Variants in PLA2G4A observed in about 807,000 individuals in gnomAD.
PLA2G4A encodes cytosolic phospholipase A2.
Under a neutral mutation model 81.9 loss-of-function variants are expected in PLA2G4A, and 40 were observed. The ratio of observed to expected loss-of-function variants is 0.49; its 90% CI spans 0.38 to 0.64. PLA2G4A has a LOEUF of 0.64. Ranked by LOEUF, PLA2G4A falls within the 30% of genes least tolerant of loss-of-function variation. PLA2G4A has a pLI of 0.00. For synonymous variants in PLA2G4A, 302 were observed against 296.9 expected (o/e 1.02, Z -0.18); for missense variants, 715 against 905.1 (o/e 0.79, Z 2.69).
In PLA2G4A at chr1:186,918,106, T is replaced by C. The variant is rs188656054; in HGVS notation, c.558+6717T>C. Among the ~76,000 whole-genome samples the C allele has an allele frequency of 2.0e-5, 3 of 152,274 alleles. No homozygotes were observed. In the East Asian group the frequency reaches 5.8e-4, roughly 29 times the overall value. On this transcript the variant is annotated intron_variant, in intron 7 of 17. Transcript: ENST00000367466. ...CCCCCTGTCTGGGTGGAAGAAGTCT[T>C]TTTCTTCCTTAGAATAGGTATGTAC... is the stretch of plus-strand genomic sequence containing the variant.
intron 7 of PLA2G4A, among the ~76,000 whole-genome samples, chr1:186,931,357 T>C (rs1031311324): frequency 3.3e-5 from 5 of 152,232 alleles, no homozygotes; most frequent in Admixed American, 3.3e-4. Context: ...CAAGTTTGCA[T>C]GTAGTTTGAT....
intron 1 of PLA2G4A, among the ~76,000 whole-genome samples, chr1:186,843,306 A>G (rs1652054143): frequency 6.6e-6 from 1 of 152,262 alleles, no homozygotes; most frequent in African/African-American, 2.4e-5. Context: ...GCTAAGATAT[A>G]TTCCAGTTTC....
Position 186,977,801 on chromosome 1 carries a change from T to A in PLA2G4A, c.1960+13T>A. 2 of 1,529,632 alleles carry A rather than the reference T, an allele frequency of 1.3e-6. No homozygotes were observed. Among genetic ancestry groups the A allele is most frequent in the Non-Finnish European group, 1.8e-6 (2 of 1,103,106 alleles). 94.8% of individuals were successfully genotyped at this position (1,529,632 alleles called of 1,614,324 possible). A position where few individuals can be genotyped will look rare whatever the true frequency, so the allele number is the denominator to read the frequency against. The stretch of plus-strand genomic sequence containing the variant: ...TACAGGGCTCCAGGTAAGTAGGGAG[T>A]AAGCTGTATTCCATAAAATAGAAAT... On this transcript the variant is annotated intron_variant, in intron 16 of 17. Coordinates refer to ENST00000367466, the MANE Select transcript of PLA2G4A (RefSeq NM_024420.3).
chr1:186,874,566 G>A lies in PLA2G4A; in HGVS notation c.115+4050G>A, dbSNP rs183401058. On this transcript the variant is annotated intron_variant, in intron 3 of 17. Transcript: ENST00000367466. ...TCCTAATTATGGATATATATACTGA[G>A]GATTCTTTCCTTGTCTGGCCCCTTT... Among the ~76,000 whole-genome samples the A allele has an allele frequency of 1.0e-3, 157 of 152,140 alleles. 2 individuals carry two copies. Among genetic ancestry groups the A allele is most frequent in the Admixed American group, 2.3e-3 (35 of 15,252 alleles).
chr1:186,923,099 G>C (rs1235376412), intron 7 of PLA2G4A, among the ~76,000 whole-genome samples: 1 of 152,110 alleles, frequency 6.6e-6, no homozygotes, highest in Non-Finnish European at 1.5e-5. Context: ...CAGAAATTGG[G>C]CATAAGACAA....
intron 15 of PLA2G4A, among the ~76,000 whole-genome samples, chr1:186,971,126 T>G (rs867522991): frequency 2.2e-4 from 33 of 152,092 alleles, no homozygotes; most frequent in African/African-American, 5.3e-4. Context: ...TGTAATAACA[T>G]AATCCCCCAT....
chr1:186,950,898 A>G (rs1304225926), intron 13 of PLA2G4A, among the ~76,000 whole-genome samples, 170 bp downstream of exon 13: 2 of 152,230 alleles, frequency 1.3e-5, no homozygotes, highest in Non-Finnish European at 2.9e-5. Flanking sequence ...GTCTAATAAA[A>G]TAGGCAGCAC....
chr1:186,843,236 G>T (rs888158344), intron 1 of PLA2G4A, among the ~76,000 whole-genome samples: 2 of 151,898 alleles, frequency 1.3e-5, no homozygotes, highest in African/African-American at 4.8e-5. Flanking sequence ...AAAGTATCTT[G>T]TACTTGGGAA....
chr1:186,988,234 G>A (rs1657952955), intron 17 of PLA2G4A, 143 bp from the exon 18 acceptor site: 1 of 573,474 alleles, frequency 1.7e-6, no homozygotes, highest in African/African-American at 1.9e-5. Flanking sequence ...ATTTAAATGT[G>A]TATGCATGAC....
chr1:186,914,092 T>G (rs967250411), intron 7 of PLA2G4A, among the ~76,000 whole-genome samples: 3 of 100,144 alleles, frequency 3.0e-5, no homozygotes, highest in Non-Finnish European at 5.6e-5. Context: ...GTTTTGTTTT[T>G]TTGTGTTTTT....
intron 13 of PLA2G4A, among the ~76,000 whole-genome samples, 181 bp from the exon 14 acceptor site, chr1:186,955,921 T>C (rs1286147498): frequency 9.9e-5 from 15 of 151,172 alleles, no homozygotes; most frequent in African/African-American, 3.4e-4. Flanking sequence ...TTTGTATTTT[T>C]AGTAGAGATG....
chr1:186,968,580 T>C (rs1361882138), intron 15 of PLA2G4A, among the ~76,000 whole-genome samples: 6 of 151,690 alleles, frequency 4.0e-5, no homozygotes, highest in Non-Finnish European at 8.8e-5. Context: ...ATATAAGATG[T>C]TTATAAAATA....
At chr1:186,955,733 C>CTTTTT (rs1656722730) in intron 13 of PLA2G4A, among the ~76,000 whole-genome samples, 2 of 28,844 alleles carry the variant, frequency 6.9e-5, no homozygotes, top group Admixed American at 5.0e-4. Flanking sequence ...AAAGAAGATC[C>CTTTTT]CTTTTTTTTT....
chr1:186,978,799 T>C (rs1571464702), intron 16 of PLA2G4A, among the ~76,000 whole-genome samples: 2 of 152,268 alleles, frequency 1.3e-5, no homozygotes, highest in East Asian at 3.9e-4. Context: ...GGGAACACTC[T>C]AGTTTATTAG....
chr1:186,881,205 A>T (rs1166427867), intron 3 of PLA2G4A, among the ~76,000 whole-genome samples: 2 of 152,060 alleles, frequency 1.3e-5, no homozygotes, highest in African/African-American at 2.4e-5. Flanking sequence ...GACTTTAGAA[A>T]GCACTATTAT....
At chr1:186,857,043 C>T (rs1248010810) in intron 2 of PLA2G4A, among the ~76,000 whole-genome samples, 1 of 22,734 alleles carries the variant, frequency 4.4e-5, no homozygotes, top group Non-Finnish European at 7.8e-5. Context: ...CCATGCAGCC[C>T]CCACATGTGT....
intron 2 of PLA2G4A, among the ~76,000 whole-genome samples, chr1:186,859,453 T>C: frequency 6.6e-6 from 1 of 152,260 alleles, no homozygotes; most frequent in East Asian, 1.9e-4. Flanking sequence ...ATTTTCCATC[T>C]TTTTACTCTG....
At chr1:186,940,498 G>T (rs1451338438) in intron 10 of PLA2G4A, among the ~76,000 whole-genome samples, 2 of 152,046 alleles carry the variant, frequency 1.3e-5, no homozygotes, top group Non-Finnish European at 2.9e-5. Flanking sequence ...ATGGGGGATT[G>T]GTTCCAGGCC....
At chr1:186,882,419 A>G (rs1435740175) in intron 3 of PLA2G4A, among the ~76,000 whole-genome samples, 2 of 152,196 alleles carry the variant, frequency 1.3e-5, no homozygotes, top group Admixed American at 6.6e-5. Context: ...TAAAACGTCA[A>G]AAGAAAACAT....
Sources: gnomAD v4.1 joint callset for allele counts (sites outside exome capture counted in the v4.1 genomes callset) on GRCh38, gnomAD v4.1.1 for gene constraint, MANE v1.5 for transcripts, NCBI Gene and HGNC (gene_info 2026-07-23, HGNC 2026-07-21) for gene names.